SGCZ: variants seen among roughly 807,000 people sequenced by gnomAD.
The protein encoded by SGCZ is sarcoglycan zeta.
In SGCZ, 40 loss-of-function variants were observed where a neutral mutation model predicts 41.3. That is an observed-to-expected ratio of 0.97 (90% CI 0.75 to 1.26). The LOEUF is 1.26. SGCZ is among the 50% of genes most tolerant of loss of function. The pLI, the probability that SGCZ is intolerant of heterozygous loss-of-function variation, is 0.00. For synonymous variants in SGCZ, 206 were observed against 137.5 expected (o/e 1.50, Z -3.49); for missense variants, 552 against 369.8 (o/e 1.49, Z -4.04).
chr8:14,721,344 AT>A (rs1337701549), intron 1 of SGCZ, among the ~76,000 whole-genome samples: 1 of 152,200 alleles, frequency 6.6e-6, no homozygotes, highest in Non-Finnish European at 1.5e-5. Context: ...TTTCACTTGA[AT>A]GTCTAATAAA....
At chr8:14,822,015 A>T (rs1802108748) in intron 1 of SGCZ, among the ~76,000 whole-genome samples, 1 of 151,978 alleles carries the variant, frequency 6.6e-6, no homozygotes, top group Non-Finnish European at 1.5e-5. Context: ...GAAAACAAAG[A>T]AGTCAATTGT....
chr8:14,955,591 G>A (rs1350750671), intron 1 of SGCZ, among the ~76,000 whole-genome samples: 5 of 152,140 alleles, frequency 3.3e-5, no homozygotes, highest in Admixed American at 1.3e-4. Flanking sequence ...TTTGGCCAAT[G>A]TACTGGGTAT....
chr8:14,708,367 A>G (rs1183021577), intron 1 of SGCZ, among the ~76,000 whole-genome samples: 1 of 151,966 alleles, frequency 6.6e-6, no homozygotes, highest in Non-Finnish European at 1.5e-5. Context: ...ACATAAAGAG[A>G]TTTAATCATT....
intron 1 of SGCZ, among the ~76,000 whole-genome samples, chr8:14,630,163 G>A: frequency 6.6e-6 from 1 of 151,900 alleles, no homozygotes; most frequent in Admixed American, 6.6e-5. Flanking sequence ...CTTTGCATTT[G>A]TGGGGTAACA....
intron 2 of SGCZ, among the ~76,000 whole-genome samples, chr8:14,470,853 G>C (rs77745730): frequency 0.019 from 2,823 of 152,194 alleles, 75 homozygotes; most frequent in African/African-American, 0.062. Flanking sequence ...AAAATAGGCA[G>C]TTCTTTGTGT....
In SGCZ at chr8:14,268,911, A is replaced by T. The variant is rs554351176; in HGVS notation, c.337-31232T>A. 1.7e-4 allele frequency among the ~76,000 whole-genome samples: 26 copies of T among 151,924 alleles called. 1 individual carries two copies. The South Asian group carries it at 2.9e-3, about 17-fold the overall frequency. Reference sequence around the variant, plus strand: ...AAACTTTAAATAAAATAATTGAAATATAATACATATTTTTATTTCAAATTA... The same window carrying T: ...AAACTTTAAATAAAATAATTGAAATTTAATACATATTTTTATTTCAAATTA... On this transcript the variant is annotated intron_variant, in intron 3 of 7. Coordinates refer to ENST00000382080, the MANE Select transcript of SGCZ (RefSeq NM_139167.4).
chr8:15,196,267 T>A (rs908524220), intron 1 of SGCZ, among the ~76,000 whole-genome samples: 21 of 152,324 alleles, frequency 1.4e-4, no homozygotes, highest in African/African-American at 4.3e-4. Flanking sequence ...CTGTTTTAAA[T>A]ACAAAGATGT....
intron 1 of SGCZ, among the ~76,000 whole-genome samples, chr8:14,650,047 C>T (rs1361338011): frequency 2.0e-5 from 3 of 152,056 alleles, no homozygotes; most frequent in Non-Finnish European, 4.4e-5. Context: ...AAAAGTTTCT[C>T]TAAGAAACCT....
intron 1 of SGCZ, among the ~76,000 whole-genome samples, chr8:15,124,158 AG>A (rs372147659): frequency 6.6e-6 from 1 of 152,242 alleles, no homozygotes; most frequent in African/African-American, 2.4e-5. Flanking sequence ...TGTACCTTTA[AG>A]AGCAGAAGAC....
At chr8:14,332,975 A>C (rs1802391059) in intron 2 of SGCZ, among the ~76,000 whole-genome samples, 2 of 151,332 alleles carry the variant, frequency 1.3e-5, no homozygotes, top group African/African-American at 4.8e-5. Context: ...TACGAAATGG[A>C]GAACGGACCA....
At chr8:14,291,736 G>C (rs73207775) in intron 3 of SGCZ, among the ~76,000 whole-genome samples, 39,363 of 151,724 alleles carry the variant, frequency 0.26, 5,576 homozygotes, top group South Asian at 0.45. Flanking sequence ...TGGAGTTAGA[G>C]GACTATTTGT....
rs1285754076 is a variant in SGCZ at position 15,172,168 on chromosome 8, T to A, written c.39+65417A>T. ...TTTTATACTCTGTTTTTTTTTTTTT[T>A]TTTTTTTTTTTGAGACGGAGTTTCG... On this transcript the variant is annotated intron_variant, in intron 1 of 7. Coordinates refer to ENST00000382080, the MANE Select transcript of SGCZ (RefSeq NM_139167.4). Among the ~76,000 whole-genome samples the A allele has an allele frequency of 9.8e-4, 127 of 129,648 alleles. 1 individual carries two copies. The highest frequency in any genetic ancestry group is 2.7e-3 in the South Asian group (10 of 3,750). The allele number at this position is 129,648 out of a possible 152,430, so 85.1% of individuals were successfully genotyped here.
chr8:14,554,606 T>G (rs1297887221), intron 2 of SGCZ, 126 bp downstream of exon 2: 18 of 782,594 alleles, frequency 2.3e-5, no homozygotes, highest in Non-Finnish European at 3.5e-5. Context: ...ATTATTTTCT[T>G]TGGGATTTAA....
chr8:14,473,459 G>T (rs1801268064), intron 2 of SGCZ, among the ~76,000 whole-genome samples: 1 of 152,018 alleles, frequency 6.6e-6, no homozygotes, highest in African/African-American at 2.4e-5. Flanking sequence ...TATTAGGCAA[G>T]AAAGTATACA....
intron 1 of SGCZ, among the ~76,000 whole-genome samples, chr8:15,063,999 A>G (rs1001199732): frequency 1.3e-5 from 2 of 152,166 alleles, no homozygotes; most frequent in African/African-American, 4.8e-5. Flanking sequence ...CTGGTATTGT[A>G]TAATAAGCTA....
chr8:14,245,035 G>T (rs1035141980), intron 3 of SGCZ, among the ~76,000 whole-genome samples: 1 of 152,170 alleles, frequency 6.6e-6, no homozygotes, highest in Non-Finnish European at 1.5e-5. Context: ...CATGTCATCT[G>T]CAAACTGGGA....
At chr8:14,967,132 C>T (rs1275050427) in intron 1 of SGCZ, among the ~76,000 whole-genome samples, 1 of 152,140 alleles carries the variant, frequency 6.6e-6, no homozygotes, top group Non-Finnish European at 1.5e-5. Flanking sequence ...CATAATTACT[C>T]ATAGCATCCA....
intron 1 of SGCZ, among the ~76,000 whole-genome samples, chr8:15,139,946 T>C (rs1026480472): frequency 4.6e-4 from 70 of 152,180 alleles, no homozygotes; most frequent in Admixed American, 1.2e-3. Context: ...GAGTACCTTA[T>C]ATTACAAAGA....
In SGCZ at chr8:15,111,328, A is replaced by G. The variant is rs143214460; in HGVS notation, c.39+126257T>C. Among the ~76,000 whole-genome samples, 189 of 152,226 alleles carry G rather than the reference A, an allele frequency of 1.2e-3. 1 individual carries two copies. Among genetic ancestry groups the G allele is most frequent in the African/African-American group, 3.9e-3 (163 of 41,542 alleles). On this transcript the variant is annotated intron_variant, in intron 1 of 7. Transcript: ENST00000382080. ...CCTACAACCCTCTCCCGCTTCCACT[A>G]TATCTCAGATGAAGAGGGAAAGTGC...
Sources: allele counts gnomAD v4.1 joint callset (sites outside exome capture counted in the v4.1 genomes callset), GRCh38; gene constraint gnomAD v4.1.1; transcripts MANE v1.5; gene names NCBI Gene and HGNC (gene_info 2026-07-23, HGNC 2026-07-21).